Variants in SLC24A2 observed in about 807,000 individuals in gnomAD.
SLC24A2 encodes sodium/potassium/calcium exchanger 2.
Under a neutral mutation model 62.0 loss-of-function variants are expected in SLC24A2, and 36 were observed. The observed-to-expected ratio is 0.58, with a 90% CI of 0.44 to 0.77. SLC24A2 has a LOEUF of 0.77. SLC24A2 is among the 30% of genes least tolerant of loss of function. SLC24A2 has a pLI of 0.00. For synonymous variants in SLC24A2, 358 were observed against 294.0 expected (o/e 1.22, Z -2.23); for missense variants, 846 against 817.9 (o/e 1.03, Z -0.42).
At chr9:19,956,759 T>C in the SLC24A2 span, among the ~76,000 whole-genome samples, 1 of 152,162 alleles carries the variant, frequency 6.6e-6, no homozygotes, top group Non-Finnish European at 1.5e-5. Context: ...ACATGGAAAT[T>C]GTAGGAATTA....
At chr9:19,792,467 G>A (rs780881611), upstream of SLC24A2, among the ~76,000 whole-genome samples, 2 of 149,558 alleles carry the variant, frequency 1.3e-5, no homozygotes, top group South Asian at 4.2e-4. Context: ...GGCTGAGGTG[G>A]ATCACCTGAG....
At chr9:19,704,625 A>G (rs16937747) in intron 2 of SLC24A2, among the ~76,000 whole-genome samples, 4,254 of 152,270 alleles carry the variant, frequency 0.028, 114 homozygotes, top group African/African-American at 0.07. Flanking sequence ...AACAGGAACC[A>G]AGAGGCTGAA....
chr9:20,088,757 G>C, the SLC24A2 span, among the ~76,000 whole-genome samples: 1 of 152,126 alleles, frequency 6.6e-6, no homozygotes. Flanking sequence ...CTCCTCGTTG[G>C]GCAGGACCTC....
Position 19,788,872 on chromosome 9 carries a change from C to A in SLC24A2, c.-154+13G>T. 1 of 985,406 alleles carries A rather than the reference C, an allele frequency of 1.0e-6. No homozygotes were observed. Among genetic ancestry groups the A allele is most frequent in the Non-Finnish European group, 1.2e-6 (1 of 829,898 alleles). 61.0% of individuals were successfully genotyped at this position (985,406 alleles called of 1,614,324 possible). ...GCTACAGCGGCAGGCGGGGCGCAGC[C>A]GCCCGCACTTACCAGGATAAGATGG... On this transcript the variant is annotated intron_variant, in intron 1 of 10. Transcript: ENST00000341998.
chr9:19,859,975 T>TA, the SLC24A2 span, among the ~76,000 whole-genome samples: 1 of 152,150 alleles, frequency 6.6e-6, no homozygotes, highest in African/African-American at 2.4e-5. Flanking sequence ...CACCATGGGC[T>TA]AAAGTGCTCT....
At chr9:19,853,254 C>T in the SLC24A2 span, among the ~76,000 whole-genome samples, 2 of 152,176 alleles carry the variant, frequency 1.3e-5, no homozygotes, top group Non-Finnish European at 2.9e-5. Context: ...CATCTGTAAA[C>T]AGAGACTATT....
chr9:20,260,957 G>C, the SLC24A2 span, among the ~76,000 whole-genome samples: 1 of 149,170 alleles, frequency 6.7e-6, no homozygotes, highest in Non-Finnish European at 1.5e-5. Context: ...CCGGGTTCAA[G>C]CGATTCTCCT....
chr9:20,264,018 C>G, the SLC24A2 span, among the ~76,000 whole-genome samples: 1 of 152,094 alleles, frequency 6.6e-6, no homozygotes, highest in Admixed American at 6.5e-5. Context: ...GAATAATTAG[C>G]TCTTGACAAG....
the SLC24A2 span, among the ~76,000 whole-genome samples, chr9:20,009,677 G>C: frequency 6.6e-6 from 1 of 152,160 alleles, no homozygotes; most frequent in Non-Finnish European, 1.5e-5. Flanking sequence ...TCCAATGCTA[G>C]TAGTGGAGAG....
chr9:19,808,494 A>T, the SLC24A2 span, among the ~76,000 whole-genome samples: 3 of 152,168 alleles, frequency 2.0e-5, no homozygotes, highest in Non-Finnish European at 4.4e-5. This position sits in a 1 kb window ranked among gnomAD's most constrained non-coding sequence, Gnocchi z 4.1. Context: ...ACCCGTCCAA[A>T]CCCAAAGAAT....
the SLC24A2 span, among the ~76,000 whole-genome samples, chr9:20,088,083 C>A: frequency 5.3e-5 from 8 of 152,318 alleles, no homozygotes; most frequent in African/African-American, 1.9e-4. Context: ...ACCACAGGAG[C>A]TTTAGATACC....
chr9:19,733,467 A>T (rs1248360123), intron 2 of SLC24A2, among the ~76,000 whole-genome samples: 1 of 152,142 alleles, frequency 6.6e-6, no homozygotes, highest in Admixed American at 6.6e-5. Context: ...TTCCAATGAC[A>T]ATCTGTGAAG....
At chr9:20,047,094 C>G in the SLC24A2 span, among the ~76,000 whole-genome samples, 3 of 152,012 alleles carry the variant, frequency 2.0e-5, no homozygotes, top group Non-Finnish European at 4.4e-5. Context: ...CCTATCAGCA[C>G]CAGAGACTCA....
chr9:19,577,194 A>T (rs947173391), intron 5 of SLC24A2, among the ~76,000 whole-genome samples, 172 bp from the exon 6 acceptor site: 1 of 152,018 alleles, frequency 6.6e-6, no homozygotes, highest in Admixed American at 6.5e-5. Flanking sequence ...GCCTTTGTAG[A>T]TTTTTCAGCC....
At chr9:19,725,113 A>C (rs1401020583) in intron 2 of SLC24A2, among the ~76,000 whole-genome samples, 2 of 152,096 alleles carry the variant, frequency 1.3e-5, no homozygotes, top group Non-Finnish European at 2.9e-5. Context: ...GCATTTTTCA[A>C]TGTCTTGGGA....
At chr9:19,723,594 A>G (rs1821089205) in intron 2 of SLC24A2, among the ~76,000 whole-genome samples, 1 of 152,152 alleles carries the variant, frequency 6.6e-6, no homozygotes, top group African/African-American at 2.4e-5. Context: ...GATCGAGTAT[A>G]ACACTAGAAG....
chr9:19,849,559 C>G, the SLC24A2 span, among the ~76,000 whole-genome samples: 1 of 152,032 alleles, frequency 6.6e-6, no homozygotes, highest in Non-Finnish European at 1.5e-5. Flanking sequence ...ATAAAGCACA[C>G]TGGGGAAAGA....
At chr9:19,865,359 T>C in the SLC24A2 span, among the ~76,000 whole-genome samples, 9 of 152,158 alleles carry the variant, frequency 5.9e-5, no homozygotes, top group South Asian at 1.9e-3. Context: ...CAAATTTATA[T>C]GGAACCACAA....
intron 5 of SLC24A2, among the ~76,000 whole-genome samples, chr9:19,592,533 C>T (rs950552993): frequency 2.4e-5 from 3 of 123,844 alleles, no homozygotes; most frequent in Non-Finnish European, 5.4e-5. Context: ...TACCTACCTA[C>T]CTACCTACCT....
Sources: gnomAD v4.1 joint callset for allele counts (sites outside exome capture counted in the v4.1 genomes callset) on GRCh38, gnomAD v4.1.1 for gene constraint, Gnocchi (gnomAD v3.1) non-coding constraint, MANE v1.5 for transcripts, NCBI Gene and HGNC (gene_info 2026-07-23, HGNC 2026-07-21) for gene names.